NRXN3: variants seen among roughly 807,000 people sequenced by gnomAD.
NRXN3 encodes neurexin III.
A neutral mutation model predicts 137.6 loss-of-function variants in NRXN3; 32 were observed. That is an observed-to-expected ratio of 0.23 (90% CI 0.18 to 0.31). The LOEUF (loss-of-function observed/expected upper bound fraction) is 0.31. Ranked by LOEUF, NRXN3 falls within the 10% of genes least tolerant of loss-of-function variation. NRXN3 has a pLI of 1.00. For synonymous variants in NRXN3, 798 were observed against 784.5 expected (o/e 1.02, Z -0.29); for missense variants, 1,574 against 2,062.5 (o/e 0.76, Z 4.59).
At chr14:79,242,796 C>T (rs1294634264) in intron 15 of NRXN3, among the ~76,000 whole-genome samples, 3 of 152,154 alleles carry the variant, frequency 2.0e-5, no homozygotes, top group Non-Finnish European at 4.4e-5. Flanking sequence ...CAGCATCTGC[C>T]TGGAAGATTC....
chr14:79,482,688 A>G (rs889770012), intron 16 of NRXN3, among the ~76,000 whole-genome samples: 5 of 151,006 alleles, frequency 3.3e-5, no homozygotes, highest in African/African-American at 1.2e-4. Flanking sequence ...TGGGGGGGAG[A>G]AAAAAAAACA....
chr14:78,379,870 C>T (rs931242731), intron 4 of NRXN3, among the ~76,000 whole-genome samples: 5 of 152,188 alleles, frequency 3.3e-5, no homozygotes, highest in South Asian at 4.1e-4. Context: ...ACTCGCAGAG[C>T]TAACAGGTAA....
chr14:78,425,925 C>T (rs751797218), intron 4 of NRXN3, among the ~76,000 whole-genome samples: 27 of 152,170 alleles, frequency 1.8e-4, no homozygotes, highest in Non-Finnish European at 7.3e-5. Context: ...GTTATAAATA[C>T]GCACCACGTG....
At chr14:78,866,910 G>T (rs2152551625) in intron 10 of NRXN3, among the ~76,000 whole-genome samples, 1 of 146,574 alleles carries the variant, frequency 6.8e-6, no homozygotes. Context: ...CGATTCTCCT[G>T]CTTCAGCCTC....
chr14:78,953,518 G>A (rs1313512605), intron 10 of NRXN3, among the ~76,000 whole-genome samples: 1 of 152,156 alleles, frequency 6.6e-6, no homozygotes, highest in Non-Finnish European at 1.5e-5. Context: ...GCTTGTGTGA[G>A]CATTTGGGTG....
intron 15 of NRXN3, among the ~76,000 whole-genome samples, chr14:79,022,994 GA>G (rs2099592133): frequency 6.6e-6 from 1 of 152,056 alleles, no homozygotes; most frequent in Non-Finnish European, 1.5e-5. Flanking sequence ...CATAGGGAAG[GA>G]ATTAAAGCTG....
chr14:79,146,679 C>A (rs1421232112), intron 15 of NRXN3, among the ~76,000 whole-genome samples: 2 of 152,096 alleles, frequency 1.3e-5, no homozygotes, highest in Non-Finnish European at 2.9e-5. Context: ...TAAACCAAGG[C>A]CGCAGTCTAA....
intron 15 of NRXN3, among the ~76,000 whole-genome samples, chr14:79,127,457 C>G (rs1476671270): frequency 3.3e-5 from 5 of 152,082 alleles, no homozygotes; most frequent in Non-Finnish European, 7.4e-5. Flanking sequence ...GCTTGTTTTT[C>G]TCAGGTTTGT....
At chr14:79,135,547 G>A (rs1015237261) in intron 15 of NRXN3, among the ~76,000 whole-genome samples, 19 of 152,250 alleles carry the variant, frequency 1.2e-4, no homozygotes, top group Non-Finnish European at 1.3e-4. Flanking sequence ...CCAGGTTCAC[G>A]TATAGGAGTA....
chr14:79,127,655 G>A (rs1409414631), intron 15 of NRXN3, among the ~76,000 whole-genome samples: 1 of 152,040 alleles, frequency 6.6e-6, no homozygotes, highest in African/African-American at 2.4e-5. Context: ...ACTTGGCGAT[G>A]CAGGCTCTTT....
At chr14:78,713,928 G>A (rs980158375) in intron 7 of NRXN3, among the ~76,000 whole-genome samples, 1 of 152,158 alleles carries the variant, frequency 6.6e-6, no homozygotes, top group Non-Finnish European at 1.5e-5. Flanking sequence ...AGATTTGGGT[G>A]GGAACACAGC....
chr14:78,544,661 T>G (rs1222702791), intron 4 of NRXN3, among the ~76,000 whole-genome samples: 1 of 152,186 alleles, frequency 6.6e-6, no homozygotes, highest in Non-Finnish European at 1.5e-5. Context: ...TAGACTGAAA[T>G]GTATTCCTTC....
intron 15 of NRXN3, among the ~76,000 whole-genome samples, chr14:79,129,353 G>A (rs1331961570): frequency 8.8e-5 from 13 of 148,354 alleles, no homozygotes; most frequent in East Asian, 6.0e-4. Flanking sequence ...CTTTGAATGC[G>A]TCCCAGAGAT....
intron 15 of NRXN3, among the ~76,000 whole-genome samples, chr14:79,299,524 A>T (rs1429550269): frequency 6.6e-6 from 1 of 152,134 alleles, no homozygotes; most frequent in Non-Finnish European, 1.5e-5. Flanking sequence ...ATTTACAAAA[A>T]CAAGACCACC....
intron 15 of NRXN3, among the ~76,000 whole-genome samples, chr14:79,081,505 T>A (rs1467795516): frequency 6.6e-6 from 1 of 151,484 alleles, no homozygotes; most frequent in African/African-American, 2.4e-5. Flanking sequence ...TATCAGCTAC[T>A]CAGGAGGCTG....
intron 15 of NRXN3, among the ~76,000 whole-genome samples, chr14:79,395,574 C>T (rs1340883719): frequency 5.3e-5 from 8 of 150,632 alleles, no homozygotes; most frequent in East Asian, 3.9e-4. Context: ...TTTGGGAGGC[C>T]GAGATGGGCA....
intron 4 of NRXN3, among the ~76,000 whole-genome samples, chr14:78,343,638 G>A (rs2082381498): frequency 6.6e-6 from 1 of 152,188 alleles, no homozygotes. Context: ...GTGTGACAAA[G>A]CTAAGGCTTA....
chr14:79,620,920 G>A lies in NRXN3; in HGVS notation c.3445-42858G>A, dbSNP rs186405013. On this transcript the variant is annotated intron_variant, in intron 16 of 20. Coordinates refer to ENST00000335750, the MANE Select transcript of NRXN3 (RefSeq NM_001330195.2). The stretch of plus-strand genomic sequence containing the variant: ...GAAGGGTAACACTCAGACTTTGGGG[G>A]AGATCTACATTTAGGAAGTAGGAGG... 2.0e-3 allele frequency among the ~76,000 whole-genome samples: 308 copies of A among 152,032 alleles called. 1 individual carries two copies. The highest frequency in any genetic ancestry group is 9.6e-3 in the South Asian group (46 of 4,810).
intron 4 of NRXN3, among the ~76,000 whole-genome samples, chr14:78,539,251 T>A (rs537671153): frequency 6.6e-6 from 1 of 152,306 alleles, no homozygotes; most frequent in African/African-American, 2.4e-5. Flanking sequence ...TCCTGGACTT[T>A]TTTTGGTTGG....
Sources: allele counts gnomAD v4.1 joint callset (sites outside exome capture counted in the v4.1 genomes callset), GRCh38; gene constraint gnomAD v4.1.1; transcripts MANE v1.5; gene names NCBI Gene and HGNC (gene_info 2026-07-23, HGNC 2026-07-21).